The following C16orf95 variants were observed in gnomAD, a reference collection of about 807,000 sequenced individuals.
The protein encoded by C16orf95 is uncharacterized protein C16orf95.
In C16orf95, 41 loss-of-function variants were observed where a neutral mutation model predicts 32.1. That is an observed-to-expected ratio of 1.28 (90% CI 1.00 to 1.66). The LOEUF (loss-of-function observed/expected upper bound fraction) is 1.66, where lower values mean the gene tolerates loss of function less well. C16orf95 is among the 40% of genes most tolerant of loss of function. The pLI, the probability that C16orf95 is intolerant of heterozygous loss-of-function variation, is 0.00. For missense variants in C16orf95, 399 were observed against 325.9 expected, an observed-to-expected ratio of 1.22 and a Z score of -1.73; for synonymous variants, 147 against 128.9, an observed-to-expected ratio of 1.14 and a Z score of -0.95.
intron 2 of C16orf95, among the ~76,000 whole-genome samples, chr16:87,315,439 C>A (rs1904312648): frequency 2.0e-5 from 3 of 152,384 alleles, no homozygotes; most frequent in Non-Finnish European, 4.4e-5. Flanking sequence ...TTATGGCCAT[C>A]TGTCACACTC....
At chr16:87,316,904 A>G (rs1904361587) in intron 1 of C16orf95, among the ~76,000 whole-genome samples, 187 bp downstream of exon 1, 2 of 152,224 alleles carry the variant, frequency 1.3e-5, no homozygotes, top group Admixed American at 6.5e-5. Context: ...CCATGCCTGA[A>G]GGCCTACTTC....
Position 87,310,988 on chromosome 16 carries a change from G to A in C16orf95, c.477+162C>T, listed in dbSNP as rs1478819371. The stretch of plus-strand genomic sequence containing the variant: ...CCACACCTGCCCTCTGTGCTCCCAA[G>A]CCCATGGCCACAGCTGCCAGGGGAT... On this transcript the variant is annotated intron_variant, in intron 4 of 6. Transcript: ENST00000567970. Among the ~76,000 whole-genome samples, 3 of 152,306 alleles carry A rather than the reference G, an allele frequency of 2.0e-5. No homozygotes were observed. The East Asian group carries it at 5.8e-4, about 29-fold the overall frequency.
Position 87,315,810 on chromosome 16 carries a change from G to C in C16orf95, c.166C>G (p.Gln56Glu). The change falls in exon 2 of 7, where the codon CAA becomes GAA. Residue 56 changes from glutamine to glutamate, a missense_variant. Gln to Glu is a conservative substitution (Grantham distance 29). Coordinates refer to ENST00000567970, the MANE Select transcript of C16orf95 (RefSeq NM_001195124.3). ...SAQDGRNSTFQTYKKEVCLPR... is the reference protein window; with the variant it reads ...SAQDGRNSTFETYKKEVCLPR... Reference sequence around the variant, plus strand: ...AGGCACACTTCTTTCTTGTAGGTTTGAAATGTGCTATTCCTAGAAGAGAAG... The same window carrying C: ...AGGCACACTTCTTTCTTGTAGGTTTCAAATGTGCTATTCCTAGAAGAGAAG... 2 of 1,531,148 alleles carry C rather than the reference G, an allele frequency of 1.3e-6. No homozygotes were observed. The highest frequency in any genetic ancestry group is 1.7e-6 in the Non-Finnish European group (2 of 1,144,456). 94.8% of individuals were successfully genotyped at this position (1,531,148 alleles called of 1,614,324 possible).
chr16:87,308,533 C>T (rs1406084750), intron 5 of C16orf95, among the ~76,000 whole-genome samples: 2 of 151,900 alleles, frequency 1.3e-5, no homozygotes, highest in African/African-American at 4.8e-5. Context: ...CAGATGTTAC[C>T]ATTCTTTGGT....
intron 5 of C16orf95, among the ~76,000 whole-genome samples, chr16:87,308,027 G>C (rs1260060447): frequency 6.6e-6 from 1 of 152,196 alleles, no homozygotes; most frequent in South Asian, 2.1e-4. Flanking sequence ...TGGCTGTAAG[G>C]TGGATGCCTA....
intron 5 of C16orf95, among the ~76,000 whole-genome samples, chr16:87,309,233 T>C (rs939496031): frequency 6.6e-6 from 1 of 152,156 alleles, no homozygotes; most frequent in African/African-American, 2.4e-5. Flanking sequence ...GTCTTTTCCT[T>C]CTTAGCACCT....
At chr16:87,308,678 T>C (rs1322866849) in intron 5 of C16orf95, among the ~76,000 whole-genome samples, 2 of 152,182 alleles carry the variant, frequency 1.3e-5, no homozygotes, top group African/African-American at 2.4e-5. Context: ...TGGTTGTGCT[T>C]TGTCTTCAGG....
In C16orf95 at chr16:87,302,974, G is replaced by T; in HGVS notation, c.*83C>A. 7.4e-7 allele frequency: 1 copy of T among 1,358,698 alleles called. No individual in the cohort carries two copies. The highest frequency in any genetic ancestry group is 1.0e-6 in the Non-Finnish European group (1 of 984,632). 84.2% of individuals were successfully genotyped at this position (1,358,698 alleles called of 1,614,324 possible). ...TGAGAAGACAGCGACTGTCACAGAC[G>T]CCTCCTGATTGGTGGACTCTCAAAG... On this transcript the variant is annotated 3_prime_UTR_variant, in exon 7 of 7. Coordinates refer to ENST00000567970, the MANE Select transcript of C16orf95 (RefSeq NM_001195124.3).
chr16:87,313,201 A>T (rs989354478), intron 3 of C16orf95, among the ~76,000 whole-genome samples: 12 of 152,094 alleles, frequency 7.9e-5, no homozygotes, highest in African/African-American at 2.9e-4. Flanking sequence ...ATTAAAAAAA[A>T]AAAAAGAGAA....
At chr16:87,312,046 A>C (rs1305032944) in intron 3 of C16orf95, among the ~76,000 whole-genome samples, 1 of 152,224 alleles carries the variant, frequency 6.6e-6, no homozygotes, top group Non-Finnish European at 1.5e-5. Context: ...ATGTACATGC[A>C]ATCACATGTA....
At position 87,317,238 on chromosome 16, in the gene C16orf95, C is replaced by T. The variant is rs1380879117; in HGVS notation, c.5G>A (p.Arg2His). The T allele has an allele frequency of 1.3e-6, 2 of 1,525,352 alleles. No homozygotes were observed. Among genetic ancestry groups the T allele is most frequent in the Non-Finnish European group, 1.8e-6 (2 of 1,141,332 alleles). 94.5% of individuals were successfully genotyped at this position (1,525,352 alleles called of 1,614,324 possible). The change falls in exon 1 of 7, where the codon CGT (arginine) becomes CAT (histidine). Residue 2 changes from arginine to histidine, a missense_variant. Arg to His is a conservative substitution (Grantham distance 29). Coordinates refer to ENST00000567970, the MANE Select transcript of C16orf95 (RefSeq NM_001195124.3). Reference sequence around the variant, plus strand: ...CGGGGACGGTGGGGACCGGCTCGCACGCATATGGCTTCTTATGGCTGACGC... The same window carrying T: ...CGGGGACGGTGGGGACCGGCTCGCATGCATATGGCTTCTTATGGCTGACGC... Reference protein sequence around the residue: MRASRSPPSPRR... With the variant: MHASRSPPSPRR...
chr16:87,312,568 C>CAAAAAAAAAAAAAAAAAAA (rs71389850), intron 3 of C16orf95, among the ~76,000 whole-genome samples: 1 of 86,070 alleles, frequency 1.2e-5, no homozygotes, highest in African/African-American at 5.2e-5. Context: ...GACTCCATCT[C>CAAAAAAAAAAAAAAAAAAA]AAAAAAAAAA....
intron 6 of C16orf95, chr16:87,303,429 C>G: frequency 4.1e-6 from 1 of 241,284 alleles, no homozygotes; most frequent in South Asian, 8.8e-5. Flanking sequence ...AGCCCACCCT[C>G]TCCCCCCACC....
rs10551847 is a variant in C16orf95 at position 87,309,372 on chromosome 16, C to CTTTTTTTTTTTTTTTTTT, written c.514+907_514+924dup. On this transcript the variant is annotated intron_variant, in intron 5 of 6. Coordinates refer to ENST00000567970, the MANE Select transcript of C16orf95 (RefSeq NM_001195124.3). ...TATGCATTTTCTTTTTCTTTCTTTT[C>CTTTTTTTTTTTTTTTTTT]TTTTTTTTTTTTTTTTTTTTTTTTT... Among the ~76,000 whole-genome samples the CTTTTTTTTTTTTTTTTTT allele has an allele frequency of 3.4e-4, 29 of 86,040 alleles. 7 individuals carry two copies. Among genetic ancestry groups the CTTTTTTTTTTTTTTTTTT allele is most frequent in the African/African-American group, 1.2e-3 (20 of 16,886 alleles). The allele number at this position is 86,040 out of a possible 152,430, so 56.4% of individuals were successfully genotyped here.
rs972649276 is a variant in C16orf95 at position 87,317,150 on chromosome 16, C to T, written c.93G>A (p.Pro31=). 27 of 1,534,102 alleles carry T rather than the reference C, an allele frequency of 1.8e-5. No homozygotes were observed. Among genetic ancestry groups the T allele is most frequent in the Non-Finnish European group, 2.3e-5 (26 of 1,145,914 alleles). The change falls in exon 1 of 7, where the codon CCG becomes CCA. Residue 31 remains proline (P), a synonymous_variant. Coordinates refer to ENST00000567970, the MANE Select transcript of C16orf95 (RefSeq NM_001195124.3). ...GAASGAAAGG[P]GAGCVGLCRL... is the part of the protein sequence containing the mutation. ...TGCAGAGCCCGACGCACCCCGCGCC[C>T]GGCCCCCCGGCAGCAGCGCCTGAGG...
intron 5 of C16orf95, among the ~76,000 whole-genome samples, chr16:87,307,221 C>G (rs1031825677): frequency 6.6e-6 from 1 of 152,142 alleles, no homozygotes; most frequent in Non-Finnish European, 1.5e-5. Context: ...CACGGCAGCC[C>G]TCCACAACAG....
intron 1 of C16orf95, among the ~76,000 whole-genome samples, chr16:87,316,844 A>C (rs1904358546): frequency 1.3e-5 from 2 of 152,248 alleles, no homozygotes; most frequent in Non-Finnish European, 2.9e-5. Context: ...GGAAGCTGAG[A>C]GATGGAGAGA....
Position 87,317,390 on chromosome 16 carries a change from A to AGCGCCCGC in C16orf95, c.-149_-148insGCGGGCGC, listed in dbSNP as rs1415787853. 6.5e-5 allele frequency: 90 copies of AGCGCCCGC among 1,392,838 alleles called. No homozygotes were observed. The highest frequency in any genetic ancestry group is 3.1e-4 in the East Asian group (11 of 35,668). The allele number at this position is 1,392,838 out of a possible 1,614,324, so 86.3% of individuals were successfully genotyped here. ...CCTCAACCGCTCAGAGGAGCCCAACAACGCCCGCGCGCCCGCCCGTCCCGC... is the reference window on the plus strand; with the variant it reads ...CCTCAACCGCTCAGAGGAGCCCAACAGCGCCCGCACGCCCGCGCGCCCGCCCGTCCCGC... On this transcript the variant is annotated 5_prime_UTR_variant, in exon 1 of 7. Transcript: ENST00000567970.
chr16:87,305,098 G>A lies in C16orf95; in HGVS notation c.701+621C>T, dbSNP rs762979329. Among the ~76,000 whole-genome samples, 2 of 152,164 alleles carry A rather than the reference G, an allele frequency of 1.3e-5. No homozygotes were observed. Among genetic ancestry groups the A allele is most frequent in the Non-Finnish European group, 2.9e-5 (2 of 68,044 alleles). ...CACCGCCTAGGCCGAGAGTAAAGGA[G>A]TAAGAGGAAGTAGCTGTTCCCCGAA... On this transcript the variant is annotated intron_variant, in intron 6 of 6. Transcript: ENST00000567970. The surrounding 1 kb of genome is among the most constrained non-coding windows in gnomAD (Gnocchi z 4.2).
Sources: gnomAD v4.1 joint callset for allele counts (sites outside exome capture counted in the v4.1 genomes callset) on GRCh38, gnomAD v4.1.1 for gene constraint, Gnocchi (gnomAD v3.1) non-coding constraint, MANE v1.5 for transcripts, NCBI Gene and HGNC (gene_info 2026-07-23, HGNC 2026-07-21) for gene names.